Variants in SLC24A2 observed in about 807,000 individuals in gnomAD.
The protein encoded by SLC24A2 is solute carrier family 24 member 2, also known as sodium/potassium/calcium exchanger 2.
SLC24A2 carries 36 observed loss-of-function variants against 62.0 expected under a neutral mutation model. The observed-to-expected ratio is 0.58, with a 90% CI of 0.44 to 0.77. The LOEUF is 0.77. SLC24A2 is among the 30% of genes least tolerant of loss of function. The probability of loss-of-function intolerance (pLI) is 0.00; values close to 1 mark genes in which losing one functional copy is unlikely to be tolerated. For synonymous variants in SLC24A2, 358 were observed against 294.0 expected (o/e 1.22, Z -2.23); for missense variants, 846 against 817.9 (o/e 1.03, Z -0.42).
the SLC24A2 span, among the ~76,000 whole-genome samples, chr9:19,850,970 T>TAC: frequency 4.0e-4 from 19 of 47,284 alleles, no homozygotes; most frequent in African/African-American, 1.6e-3. Context: ...TATATATGTA[T>TAC]ATATATATAT....
chr9:20,149,784 T>C, the SLC24A2 span, among the ~76,000 whole-genome samples: 143,922 of 152,138 alleles, frequency 0.95, 68,116 homozygotes, highest in Non-Finnish European at 0.97. Context: ...GCCCACGGGC[T>C]AGTTTGCTGA....
the SLC24A2 span, among the ~76,000 whole-genome samples, chr9:20,288,837 G>C: frequency 2.6e-5 from 4 of 152,054 alleles, no homozygotes; most frequent in South Asian, 4.2e-4. Context: ...CTGTCTCCTA[G>C]GATGCTCATC....
At chr9:19,953,146 T>C in the SLC24A2 span, among the ~76,000 whole-genome samples, 1 of 151,988 alleles carries the variant, frequency 6.6e-6, no homozygotes, top group African/African-American at 2.4e-5. Context: ...TGGTAATTTG[T>C]GTCTTCCCTG....
intron 2 of SLC24A2, among the ~76,000 whole-genome samples, chr9:19,633,336 T>A (rs929346914): frequency 3.9e-5 from 6 of 152,232 alleles, no homozygotes; most frequent in African/African-American, 1.2e-4. Context: ...TGCTGGATCA[T>A]ACAATAAGAC....
the SLC24A2 span, among the ~76,000 whole-genome samples, chr9:20,209,451 T>C: frequency 6.6e-6 from 1 of 152,168 alleles, no homozygotes; most frequent in South Asian, 2.1e-4. Flanking sequence ...TCTATTAAAA[T>C]CTGAAACACA....
intron 5 of SLC24A2, among the ~76,000 whole-genome samples, chr9:19,587,893 T>A (rs772062442): frequency 9.2e-5 from 14 of 152,204 alleles, no homozygotes; most frequent in Non-Finnish European, 1.6e-4. Flanking sequence ...CTGCTGACAG[T>A]TTAGATCATG....
the SLC24A2 span, among the ~76,000 whole-genome samples, chr9:20,304,469 A>T: frequency 6.6e-6 from 1 of 152,182 alleles, no homozygotes; most frequent in African/African-American, 2.4e-5. Flanking sequence ...TTTTCTGTTT[A>T]AAAAAAGACT....
the SLC24A2 span, among the ~76,000 whole-genome samples, chr9:19,905,549 G>C: frequency 7.4e-4 from 112 of 151,872 alleles, no homozygotes; most frequent in Middle Eastern, 6.8e-3. Context: ...GCTGGGGTTA[G>C]ATTACAGGCA....
the SLC24A2 span, among the ~76,000 whole-genome samples, chr9:20,047,069 C>T: frequency 5.9e-5 from 9 of 152,176 alleles, no homozygotes; most frequent in East Asian, 1.4e-3. Context: ...GGGAAGGAGC[C>T]GGGTTCAGCA....
chr9:20,126,278 T>G, the SLC24A2 span, among the ~76,000 whole-genome samples: 16 of 152,314 alleles, frequency 1.1e-4, no homozygotes, highest in African/African-American at 3.6e-4. Context: ...TTTATTTACA[T>G]ATTTATGAAA....
chr9:19,594,126 C>CG (rs1836636871), intron 5 of SLC24A2, among the ~76,000 whole-genome samples: 1 of 152,038 alleles, frequency 6.6e-6, no homozygotes, highest in African/African-American at 2.4e-5. Flanking sequence ...TCCTCCCACA[C>CG]CTCACCCGCC....
the SLC24A2 span, among the ~76,000 whole-genome samples, chr9:20,093,207 G>T: frequency 2.0e-5 from 3 of 151,624 alleles, 1 homozygote; most frequent in East Asian, 1.9e-4. Flanking sequence ...TGAGTAGCTG[G>T]GATTACAGGC....
intron 4 of SLC24A2, among the ~76,000 whole-genome samples, chr9:19,603,205 A>G (rs950947291): frequency 6.6e-6 from 1 of 152,026 alleles, no homozygotes; most frequent in African/African-American, 2.4e-5. Flanking sequence ...GGAAACTAAC[A>G]TTTTCATTAA....
At chr9:19,834,408 A>G in the SLC24A2 span, among the ~76,000 whole-genome samples, 2 of 152,224 alleles carry the variant, frequency 1.3e-5, no homozygotes, top group South Asian at 4.1e-4. Context: ...AAACCATGGC[A>G]TGAGAACTAC....
At chr9:20,269,710 T>G in the SLC24A2 span, among the ~76,000 whole-genome samples, 1 of 152,160 alleles carries the variant, frequency 6.6e-6, no homozygotes, top group Non-Finnish European at 1.5e-5. Context: ...GAGGCTTACC[T>G]TCTGGTAGTC....
the SLC24A2 span, among the ~76,000 whole-genome samples, chr9:20,107,136 A>T: frequency 3.3e-4 from 51 of 152,352 alleles, no homozygotes; most frequent in Admixed American, 3.2e-3. Flanking sequence ...CCAACTTACA[A>T]GGGATGTGAA....
At chr9:20,198,231 T>G in the SLC24A2 span, among the ~76,000 whole-genome samples, 1 of 152,122 alleles carries the variant, frequency 6.6e-6, no homozygotes, top group Non-Finnish European at 1.5e-5. Flanking sequence ...AAAAAGCATG[T>G]CACTTTTCTT....
chr9:19,980,606 A>C, the SLC24A2 span, among the ~76,000 whole-genome samples: 1 of 152,138 alleles, frequency 6.6e-6, no homozygotes, highest in Admixed American at 6.6e-5. Flanking sequence ...GTTTAATATG[A>C]GGTGGTAAGA....
chr9:20,116,138 C>A, the SLC24A2 span, among the ~76,000 whole-genome samples: 1 of 152,120 alleles, frequency 6.6e-6, no homozygotes, highest in South Asian at 2.1e-4. Context: ...TTGAAAGAAA[C>A]TTAATAATAG....
Sources: gnomAD v4.1 joint callset for allele counts (sites outside exome capture counted in the v4.1 genomes callset) on GRCh38, gnomAD v4.1.1 for gene constraint, MANE v1.5 for transcripts, NCBI Gene and HGNC (gene_info 2026-07-23, HGNC 2026-07-21) for gene names.